Variants in SI observed in about 807,000 individuals in gnomAD.
SI encodes the protein sucrase-isomaltase, also known as sucrase-isomaltase, intestinal.
In SI, 235 loss-of-function variants were observed where a neutral mutation model predicts 253.3. The observed-to-expected ratio is 0.93, with a 90% CI of 0.83 to 1.03. The LOEUF is 1.03. SI is among the 50% of genes least tolerant of loss of function. SI has a pLI of 0.00. For synonymous variants in SI, 819 were observed against 712.0 expected, an observed-to-expected ratio of 1.15 and a Z score of -2.39; for missense variants, 2,442 against 2,211.1, an observed-to-expected ratio of 1.10 and a Z score of -2.09.
chr3:165,002,251 T>G (rs1172719694), intron 37 of SI, among the ~76,000 whole-genome samples: 14 of 151,758 alleles, frequency 9.2e-5, no homozygotes, highest in Admixed American at 9.2e-4. Flanking sequence ...AGAATAGGCT[T>G]TATTTCAATA....
chr3:165,038,944 A>AT (rs1712675716), intron 20 of SI, 134 bp downstream of exon 20: 2 of 592,062 alleles, frequency 3.4e-6, no homozygotes, highest in Admixed American at 3.2e-5. Flanking sequence ...TGAAATTATT[A>AT]TTTTTTATAG....
intron 31 of SI, 28 bp from the exon 32 acceptor site, chr3:165,016,108 G>A: frequency 3.7e-6 from 6 of 1,602,136 alleles, no homozygotes; most frequent in Non-Finnish European, 5.1e-6. Flanking sequence ...TATCAAAGTA[G>A]GGCAAAAAAT....
chr3:165,031,119 CAT>C (rs1171587441), intron 24 of SI, among the ~76,000 whole-genome samples: 3 of 149,156 alleles, frequency 2.0e-5, no homozygotes, highest in Non-Finnish European at 4.5e-5. Context: ...ATGTCACACA[CAT>C]AGAATTATGT....
intron 3 of SI, among the ~76,000 whole-genome samples, chr3:165,069,479 T>C (rs1235958242): frequency 6.6e-6 from 1 of 152,082 alleles, no homozygotes; most frequent in African/African-American, 2.4e-5. Context: ...AGGAACCTGA[T>C]CTCTAAGTAA....
intron 4 of SI, 98 bp from the exon 5 acceptor site, chr3:165,068,929 T>G: frequency 2.0e-6 from 2 of 1,002,136 alleles, no homozygotes; most frequent in Non-Finnish European, 3.1e-6. Context: ...AAATGAGTAC[T>G]TTTTAAATTT....
intron 6 of SI, among the ~76,000 whole-genome samples, chr3:165,066,504 A>G (rs1714255279): frequency 6.6e-6 from 1 of 151,926 alleles, no homozygotes. Context: ...TTATTTTATT[A>G]TTAACTATAG....
At chr3:164,980,500 T>C (rs1470544647) in intron 47 of SI, among the ~76,000 whole-genome samples, 1 of 151,938 alleles carries the variant, frequency 6.6e-6, no homozygotes, top group Non-Finnish European at 1.5e-5. Flanking sequence ...AGAAAGAAAT[T>C]GACCATCCTC....
chr3:164,998,083 T>C (rs190545155), intron 38 of SI, among the ~76,000 whole-genome samples: 76 of 151,962 alleles, frequency 5.0e-4, no homozygotes, highest in Non-Finnish European at 7.1e-4. Context: ...ATTCTGTTTT[T>C]AGCTGTTTGA....
chr3:164,985,885 T>C (rs180707934), intron 45 of SI, among the ~76,000 whole-genome samples: 1 of 152,258 alleles, frequency 6.6e-6, no homozygotes, highest in East Asian at 1.9e-4. Context: ...TAGCAAGCTG[T>C]CCCAGGTGTT....
chr3:164,998,733 T>C, intron 37 of SI, 60 bp from the exon 38 acceptor site: 1 of 1,328,000 alleles, frequency 7.5e-7, no homozygotes, highest in Admixed American at 1.7e-5. Context: ...CAAATATATC[T>C]ACTTACGACT....
chr3:165,030,082 G>A (rs1302378379), intron 25 of SI, among the ~76,000 whole-genome samples: 1 of 150,766 alleles, frequency 6.6e-6, no homozygotes, highest in Non-Finnish European at 1.5e-5. Flanking sequence ...TATAACAGAT[G>A]CATTTAGTTA....
chr3:165,026,268 C>A (rs1711915876), intron 25 of SI, among the ~76,000 whole-genome samples: 1 of 151,122 alleles, frequency 6.6e-6, no homozygotes, highest in Non-Finnish European at 1.5e-5. Context: ...AGGCCTTGTC[C>A]AACAGGAAAA....
chr3:165,001,691 G>A lies in SI; in HGVS notation c.4407-3018C>T, dbSNP rs150579802. The stretch of plus-strand genomic sequence containing the variant: ...TCTGAAAGACATGCATTTACTATCC[G>A]GTCTTGAGACGAACAGCTGATTAAT... On this transcript the variant is annotated intron_variant, in intron 37 of 47. Transcript: ENST00000264382. Among the ~76,000 whole-genome samples the A allele has an allele frequency of 6.6e-4, 99 of 151,048 alleles. 1 individual carries two copies. In the East Asian group the frequency reaches 0.017, roughly 26 times the overall value.
chr3:165,077,105 C>G (rs1260425489), intron 1 of SI, among the ~76,000 whole-genome samples: 1 of 150,520 alleles, frequency 6.6e-6, no homozygotes, highest in Non-Finnish European at 1.5e-5. Context: ...TTCAATCATT[C>G]AATAAGTCCA....
chr3:165,047,923 A>G (rs767456465), intron 15 of SI, among the ~76,000 whole-genome samples: 1 of 152,082 alleles, frequency 6.6e-6, no homozygotes, highest in African/African-American at 2.4e-5. Context: ...TATTGATAAC[A>G]TTTTCATAAT....
intron 44 of SI, among the ~76,000 whole-genome samples, chr3:164,990,460 G>A (rs1717677341): frequency 6.6e-6 from 1 of 151,996 alleles, no homozygotes; most frequent in Non-Finnish European, 1.5e-5. Context: ...ACTTTAAGAG[G>A]GAATATCCTG....
At chr3:165,030,994 G>A (rs1712208365) in intron 24 of SI, 127 bp from the exon 25 acceptor site, 14 of 1,320,984 alleles carry the variant, frequency 1.1e-5, no homozygotes, top group Non-Finnish European at 1.3e-5. Flanking sequence ...ATGTGGCAAC[G>A]AGGGCAATTC....
chr3:164,997,959 A>G (rs1208587566), intron 38 of SI, among the ~76,000 whole-genome samples: 1 of 151,476 alleles, frequency 6.6e-6, no homozygotes, highest in Non-Finnish European at 1.5e-5. Context: ...TTTGTCGAAG[A>G]GTGTCTTTTG....
intron 13 of SI, among the ~76,000 whole-genome samples, 159 bp downstream of exon 13, chr3:165,055,035 C>T (rs1156870151): frequency 2.0e-5 from 3 of 151,980 alleles, no homozygotes; most frequent in African/African-American, 4.8e-5. Context: ...CTTATGCACA[C>T]GATGGGTATA....
Sources: allele counts gnomAD v4.1 joint callset (sites outside exome capture counted in the v4.1 genomes callset), GRCh38; gene constraint gnomAD v4.1.1; transcripts MANE v1.5; gene names NCBI Gene and HGNC (gene_info 2026-07-23, HGNC 2026-07-21).